HS1BP3: variants seen among roughly 807,000 people sequenced by gnomAD.
The protein encoded by HS1BP3 is HCLS1 binding protein 3.
In HS1BP3, 32 loss-of-function variants were observed where a neutral mutation model predicts 33.5. That is an observed-to-expected ratio of 0.95 (90% confidence interval 0.72 to 1.28). The LOEUF (loss-of-function observed/expected upper bound fraction) is 1.28, where lower values mean the gene tolerates loss of function less well. Ranked by LOEUF, HS1BP3 falls within the 50% of genes most tolerant of loss-of-function variation. HS1BP3 has a pLI of 0.00. For synonymous variants in HS1BP3, 187 were observed against 209.2 expected (o/e 0.89, Z 0.92); for missense variants, 486 against 502.3 (o/e 0.97, Z 0.31).
chr2:20,608,743 C>T (rs1694254510), intron 2 of HS1BP3, among the ~76,000 whole-genome samples: 1 of 152,150 alleles, frequency 6.6e-6, no homozygotes, highest in Admixed American at 6.5e-5. Context: ...TCTGCTGCCC[C>T]AAGGAAACCA....
chr2:20,599,623 C>T (rs1220781942), intron 2 of HS1BP3, among the ~76,000 whole-genome samples: 4 of 146,350 alleles, frequency 2.7e-5, no homozygotes, highest in African/African-American at 1.0e-4. Flanking sequence ...CACACACACA[C>T]ACACACACAC....
intron 4 of HS1BP3, among the ~76,000 whole-genome samples, chr2:20,628,886 G>A (rs1694878580): frequency 6.6e-6 from 1 of 152,178 alleles, no homozygotes; most frequent in Non-Finnish European, 1.5e-5. Flanking sequence ...TCCTCTTGGT[G>A]AAAGGGGACC....
rs13390275 is a variant in HS1BP3, at chr2:20,598,581, C to T, written c.179-316G>A. ...TTTTTTTTTTTTTTTTTTTTTGAGA[C>T]GGAGTCTCGCTCTGTCGCCCAGGCT... On this transcript the variant is annotated intron_variant, in intron 2 of 3. Transcript: ENST00000415264. Among the ~76,000 whole-genome samples, 78 of 106,442 alleles carry T rather than the reference C, an allele frequency of 7.3e-4. 3 individuals carry two copies. Among genetic ancestry groups the T allele is most frequent in the African/African-American group, 2.8e-3 (76 of 27,634 alleles). The allele number at this position is 106,442 out of a possible 152,430, so 69.8% of individuals were successfully genotyped here.
In HS1BP3 at chr2:20,624,882, G is replaced by T. The variant is rs1694727122; in HGVS notation, c.634C>A (p.Pro212Thr). ...DPLGIMRSKK[P>T]KKHPKVAVKA... Reference sequence around the variant, plus strand: ...ACGGCCACTTTGGGATGTTTCTTGGGCTTCTTGGAGCTGGAGAATCACAGA... The same window carrying T: ...ACGGCCACTTTGGGATGTTTCTTGGTCTTCTTGGAGCTGGAGAATCACAGA... The change falls in exon 5 of 7, where the codon CCC becomes ACC. Residue 212 changes from proline (P) to threonine (T), a missense_variant. Physicochemically the swap from Pro to Thr is conservative, Grantham distance 38. Coordinates refer to ENST00000304031, the MANE Select transcript of HS1BP3 (RefSeq NM_022460.4). 1 of 1,613,462 alleles carries T rather than the reference G, an allele frequency of 6.2e-7. No individual in the cohort carries two copies. Among genetic ancestry groups the T allele is most frequent in the Non-Finnish European group, 8.5e-7 (1 of 1,179,984 alleles).
At chr2:20,620,872 C>T (rs1694576887) in intron 6 of HS1BP3, among the ~76,000 whole-genome samples, 1 of 152,176 alleles carries the variant, frequency 6.6e-6, no homozygotes, top group Non-Finnish European at 1.5e-5. Context: ...TGAGGGACAC[C>T]CCCCAGCCCA....
chr2:20,618,656 A>C lies in HS1BP3; in HGVS notation c.*331T>G. 1.8e-6 allele frequency: 2 copies of C among 1,127,128 alleles called. No homozygotes were observed. Among genetic ancestry groups the C allele is most frequent in the Non-Finnish European group, 2.2e-6 (2 of 912,716 alleles). The allele number at this position is 1,127,128 out of a possible 1,614,324, so 69.8% of individuals were successfully genotyped here. A position where few individuals can be genotyped will look rare whatever the true frequency, so the allele number is the denominator to read the frequency against. On this transcript the variant is annotated 3_prime_UTR_variant, in exon 7 of 7. Coordinates refer to ENST00000304031, the MANE Select transcript of HS1BP3 (RefSeq NM_022460.4). ...TCCCTGCCCCATGTGACACCTCGCT[A>C]CGGCCCCACATGTCTTGCTTCATCC...
intron 5 of HS1BP3, among the ~76,000 whole-genome samples, chr2:20,569,652 C>T (rs1387386416): frequency 3.3e-5 from 5 of 152,226 alleles, no homozygotes; most frequent in East Asian, 1.9e-4. Flanking sequence ...CTCTCTCGGT[C>T]ACCAGCCCCA....
chr2:20,634,739 T>C (rs905709541), intron 4 of HS1BP3: 5 of 152,246 alleles, frequency 3.3e-5, no homozygotes, highest in African/African-American at 1.2e-4. Flanking sequence ...TAGAGTAAGA[T>C]ATTATTTTTA....
At chr2:20,572,746 G>C (rs1472737248) in intron 5 of HS1BP3, among the ~76,000 whole-genome samples, 1 of 152,220 alleles carries the variant, frequency 6.6e-6, no homozygotes, top group Non-Finnish European at 1.5e-5. Context: ...GGAGCCCGGG[G>C]ATCAGCTCCC....
chr2:20,595,521 C>T (rs921601), intron 3 of HS1BP3, among the ~76,000 whole-genome samples: 1 of 152,098 alleles, frequency 6.6e-6, no homozygotes, highest in African/African-American at 2.4e-5. Flanking sequence ...GGGAGGGTTT[C>T]GGCTGGGCCT....
At chr2:20,596,154 T>G (rs1371387648) in intron 3 of HS1BP3, among the ~76,000 whole-genome samples, 1 of 152,178 alleles carries the variant, frequency 6.6e-6, no homozygotes, top group African/African-American at 2.4e-5. Flanking sequence ...TCCTTCCCCG[T>G]GACACTGCTC....
At chr2:20,557,986 C>T (rs1692881581), downstream of HS1BP3, among the ~76,000 whole-genome samples, 1 of 152,242 alleles carries the variant, frequency 6.6e-6, no homozygotes, top group South Asian at 2.1e-4. Flanking sequence ...GGGCACCAGG[C>T]TGCTGGCTGC....
chr2:20,639,368 T>G (rs539994932), intron 3 of HS1BP3, among the ~76,000 whole-genome samples: 1 of 152,358 alleles, frequency 6.6e-6, no homozygotes, highest in African/African-American at 2.4e-5. Flanking sequence ...AGTGTGCTTT[T>G]GTATTTGTGA....
chr2:20,627,659 G>A (rs1226384502), intron 4 of HS1BP3, among the ~76,000 whole-genome samples: 2 of 152,126 alleles, frequency 1.3e-5, no homozygotes, highest in African/African-American at 4.8e-5. Flanking sequence ...ACACGCGGGC[G>A]GCTCCAGCAG....
chr2:20,563,059 G>A (rs950980801), intron 5 of HS1BP3, among the ~76,000 whole-genome samples: 39 of 152,152 alleles, frequency 2.6e-4, no homozygotes, highest in African/African-American at 2.7e-4. Flanking sequence ...AGGAGGCTCC[G>A]ACCTTCCTAA....
At chr2:20,629,696 A>AT (rs1421501752) in intron 4 of HS1BP3, among the ~76,000 whole-genome samples, 2 of 152,210 alleles carry the variant, frequency 1.3e-5, no homozygotes, top group Admixed American at 1.3e-4. Context: ...ATGTGCTGGC[A>AT]TGTTCTTGTT....
chr2:20,646,122 T>A (rs1271554003), intron 1 of HS1BP3, among the ~76,000 whole-genome samples: 1 of 152,206 alleles, frequency 6.6e-6, no homozygotes, highest in Non-Finnish European at 1.5e-5. Flanking sequence ...TAAAATGCAA[T>A]TCGAATATAA....
chr2:20,565,398 C>T (rs1470497980), intron 5 of HS1BP3, among the ~76,000 whole-genome samples: 2 of 152,218 alleles, frequency 1.3e-5, no homozygotes, highest in Non-Finnish European at 2.9e-5. Context: ...TCCCACACAG[C>T]CTAGGGACCA....
At chr2:20,563,389 G>A (rs1398030784) in intron 5 of HS1BP3, among the ~76,000 whole-genome samples, 1 of 152,198 alleles carries the variant, frequency 6.6e-6, no homozygotes, top group Non-Finnish European at 1.5e-5. Context: ...AAACAGGGGT[G>A]GGGAGGAGGG....
Sources: gnomAD v4.1 joint callset for allele counts (sites outside exome capture counted in the v4.1 genomes callset) on GRCh38, gnomAD v4.1.1 for gene constraint, MANE v1.5 for transcripts, NCBI Gene and HGNC (gene_info 2026-07-23, HGNC 2026-07-21) for gene names.